Variants in LRRC7 observed in about 807,000 individuals in gnomAD.
The protein encoded by LRRC7 is leucine rich repeat containing 7, also known as leucine-rich repeat-containing protein 7.
LRRC7 carries 23 observed loss-of-function variants against 175.7 expected under a neutral mutation model. The observed-to-expected ratio is 0.13, with a 90% confidence interval of 0.09 to 0.19. The LOEUF (loss-of-function observed/expected upper bound fraction) is 0.19. LRRC7 is among the 10% of genes least tolerant of loss of function. The pLI is 1.00. For missense variants in LRRC7, 1,354 were observed against 1,904.7 expected (o/e 0.71, Z 5.38); for synonymous variants, 685 against 680.9 (o/e 1.01, Z -0.09).
chr1:69,898,934 A>T (rs551113704), intron 7 of LRRC7, among the ~76,000 whole-genome samples: 6 of 152,372 alleles, frequency 3.9e-5, no homozygotes, highest in Non-Finnish European at 8.8e-5. Flanking sequence ...ATCGTATACC[A>T]TGGAGAACCA....
At chr1:69,576,028 G>A (rs770230232) in intron 1 of LRRC7, among the ~76,000 whole-genome samples, 1 of 151,450 alleles carries the variant, frequency 6.6e-6, no homozygotes, top group Non-Finnish European at 1.5e-5. Context: ...GTTCAGGAGT[G>A]TGAGACCAAC....
rs189244706 is a variant in LRRC7 at position 69,749,620 on chromosome 1, T to A, written c.101-10571T>A. Reference sequence around the variant, plus strand: ...ATGTTTTAAGATTTACAAATTATAATTACAAACAAAAATCATTCAACATTA... The same window carrying A: ...ATGTTTTAAGATTTACAAATTATAAATACAAACAAAAATCATTCAACATTA... On this transcript the variant is annotated intron_variant, in intron 2 of 26. Transcript: ENST00000651989. Among the ~76,000 whole-genome samples the A allele has an allele frequency of 1.9e-3, 287 of 152,232 alleles. 2 individuals are homozygous for A. The highest frequency in any genetic ancestry group is 6.7e-3 in the African/African-American group (280 of 41,554).
chr1:69,729,627 C>A (rs971523318), intron 2 of LRRC7, among the ~76,000 whole-genome samples: 1 of 152,216 alleles, frequency 6.6e-6, no homozygotes, highest in Non-Finnish European at 1.5e-5. Context: ...GGCAGCCCTG[C>A]CCCTGTGGCT....
At chr1:69,767,015 C>T (rs887727847) in intron 3 of LRRC7, among the ~76,000 whole-genome samples, 1 of 152,140 alleles carries the variant, frequency 6.6e-6, no homozygotes, top group African/African-American at 2.4e-5. Context: ...TGAGAAACCG[C>T]CCATATCTAT....
At chr1:69,845,486 C>T (rs1184742002) in intron 7 of LRRC7, among the ~76,000 whole-genome samples, 1 of 151,986 alleles carries the variant, frequency 6.6e-6, no homozygotes, top group Non-Finnish European at 1.5e-5. Context: ...CATAGACAGA[C>T]TTATCTAAAA....
Position 70,143,049 on chromosome 1 carries a change from C to CCAAA in LRRC7, c.*21165_*21168dup, listed in dbSNP as rs1667136445. Reference sequence around the variant, plus strand: ...ATATGAATTTGTATTTTCCCATATGCCAAACACACACACATAAATTTTCTT... The same window carrying CCAAA: ...ATATGAATTTGTATTTTCCCATATGCCAAACAAACACACACACATAAATTTTCTT... On this transcript the variant is annotated 3_prime_UTR_variant, in exon 27 of 27. Transcript: ENST00000651989. 4 of 151,970 alleles carry CCAAA rather than the reference C, an allele frequency of 2.6e-5. No homozygotes were observed. Among genetic ancestry groups the CCAAA allele is most frequent in the African/African-American group, 9.7e-5 (4 of 41,384 alleles). The allele number at this position is 151,970 out of a possible 1,614,324, so 9.4% of individuals were successfully genotyped here.
chr1:69,959,048 A>G (rs1650783740), intron 8 of LRRC7, among the ~76,000 whole-genome samples: 1 of 152,086 alleles, frequency 6.6e-6, no homozygotes. Flanking sequence ...TTGAAGAGTT[A>G]TGAAAGAGTC....
intron 20 of LRRC7, among the ~76,000 whole-genome samples, chr1:70,037,621 G>A (rs17131144): frequency 0.064 from 9,722 of 152,146 alleles, 1,075 homozygotes; most frequent in African/African-American, 0.22. Context: ...AGGTACTCTC[G>A]GCCAATAGTT....
At chr1:70,115,827 C>T (rs1031801274) in intron 26 of LRRC7, among the ~76,000 whole-genome samples, 2 of 152,130 alleles carry the variant, frequency 1.3e-5, no homozygotes, top group Non-Finnish European at 2.9e-5. Context: ...CCTGATAAAA[C>T]ATTTGATAAA....
intron 1 of LRRC7, among the ~76,000 whole-genome samples, chr1:69,605,763 A>G (rs1161933395): frequency 6.6e-6 from 1 of 152,150 alleles, no homozygotes; most frequent in Non-Finnish European, 1.5e-5. Context: ...AACATATGCT[A>G]CAGAAAACAC....
intron 8 of LRRC7, among the ~76,000 whole-genome samples, chr1:69,972,653 C>T (rs1008475128): frequency 6.6e-6 from 1 of 151,972 alleles, no homozygotes; most frequent in Non-Finnish European, 1.5e-5. Flanking sequence ...AAGGGAAACG[C>T]TTTTACACTG....
At chr1:69,578,748 C>G (rs1205160893) in intron 1 of LRRC7, among the ~76,000 whole-genome samples, 1 of 137,818 alleles carries the variant, frequency 7.3e-6, no homozygotes, top group African/African-American at 2.8e-5. Flanking sequence ...ACAATGAGAA[C>G]ACATGGACAC....
At chr1:69,758,141 ACTATGTG>A (rs1670638680) in intron 2 of LRRC7, among the ~76,000 whole-genome samples, 1 of 152,016 alleles carries the variant, frequency 6.6e-6, no homozygotes, top group South Asian at 2.1e-4. Context: ...CTGGGTGCCT[ACTATGTG>A]CTAGATGCCA....
Position 70,023,142 on chromosome 1 carries a change from C to A in LRRC7, c.1562C>A (p.Ala521Asp), listed in dbSNP as rs199981285. 1 of 1,439,242 alleles carries A rather than the reference C, an allele frequency of 6.9e-7. No homozygotes were observed. Among genetic ancestry groups the A allele is most frequent in the East Asian group, 2.6e-5 (1 of 39,204 alleles). 89.2% of individuals were successfully genotyped at this position (1,439,242 alleles called of 1,614,324 possible). The change falls in exon 17 of 27, where the codon GCC becomes GAC. Residue 521 changes from alanine (A) to aspartate (D), a missense_variant. Around this residue, in one of 4 missense-constraint regions of LRRC7, gnomAD observed 1,032 missense variants for 1,227.2 expected, o/e 0.84. Transcript: ENST00000651989. The part of the protein sequence containing the change: ...AGKVKDLSCQ[A>D]PWERGQRGIT... ...CTCCCACAGGATCTCTCCTGCCAAG[C>A]CCCCTGGGAAAGGGGCCAGCGTGGG...
At chr1:69,717,695 T>C (rs1455647880) in intron 2 of LRRC7, among the ~76,000 whole-genome samples, 3 of 148,862 alleles carry the variant, frequency 2.0e-5, no homozygotes, top group African/African-American at 7.4e-5. Flanking sequence ...TTGATAATAG[T>C]CAATATTAGC....
At chr1:69,570,280 C>G (rs1645686988) in intron 1 of LRRC7, among the ~76,000 whole-genome samples, 1 of 151,970 alleles carries the variant, frequency 6.6e-6, no homozygotes, top group Admixed American at 6.6e-5. Flanking sequence ...AGATGTTCAG[C>G]ATCCTGGTTG....
chr1:69,935,826 T>C (rs981152312), intron 8 of LRRC7, among the ~76,000 whole-genome samples: 3 of 152,196 alleles, frequency 2.0e-5, no homozygotes, highest in African/African-American at 7.2e-5. Context: ...AATTATAAAA[T>C]AAGAAAATGT....
intron 8 of LRRC7, among the ~76,000 whole-genome samples, chr1:69,957,477 A>C (rs1490024383): frequency 6.6e-6 from 1 of 151,912 alleles, no homozygotes; most frequent in African/African-American, 2.4e-5. Flanking sequence ...TGAAATGCTC[A>C]CTATTTAACA....
chr1:69,787,236 C>T (rs12064834), intron 3 of LRRC7, among the ~76,000 whole-genome samples: 33,672 of 152,208 alleles, frequency 0.22, 4,241 homozygotes, highest in African/African-American at 0.33. Context: ...TCGCAGGGTA[C>T]GGCCCCCCTC....
Sources: gnomAD v4.1 joint callset for allele counts (sites outside exome capture counted in the v4.1 genomes callset) on GRCh38, gnomAD v4.1.1 for gene constraint, gnomAD v4.1.1 regional missense constraint, MANE v1.5 for transcripts, NCBI Gene and HGNC (gene_info 2026-07-23, HGNC 2026-07-21) for gene names.